The following MROH9 variants were observed in gnomAD, a reference collection of about 807,000 sequenced individuals.
MROH9 encodes the protein maestro heat-like repeat-containing protein family member 9.
MROH9 carries 92 observed loss-of-function variants against 98.2 expected under a neutral mutation model. That is an observed-to-expected ratio of 0.94 (90% CI 0.79 to 1.11). The LOEUF (loss-of-function observed/expected upper bound fraction) is 1.11, where lower values mean the gene tolerates loss of function less well. Among genes scored for constraint, MROH9 ranks in the 50% most tolerant of loss-of-function variants. The probability of loss-of-function intolerance (pLI) is 0.00; values close to 1 mark genes in which losing one functional copy is unlikely to be tolerated. For missense variants in MROH9, 1,057 were observed against 1,014.8 expected, an observed-to-expected ratio of 1.04 and a Z score of -0.57; for synonymous variants, 397 against 368.9, an observed-to-expected ratio of 1.08 and a Z score of -0.87.
At chr1:171,035,068 T>A (rs1451282999) in intron 20 of MROH9, among the ~76,000 whole-genome samples, 1 of 152,054 alleles carries the variant, frequency 6.6e-6, no homozygotes, top group Non-Finnish European at 1.5e-5. Context: ...AACACAAATA[T>A]TTAAAAACTT....
At chr1:171,062,004 A>G in intron 20 of MROH9, 128 bp from the exon 21 acceptor site, 1 of 631,290 alleles carries the variant, frequency 1.6e-6, no homozygotes, top group Non-Finnish European at 2.8e-6. Flanking sequence ...AAAAGTACTA[A>G]AAGATGACTC....
intron 2 of MROH9, among the ~76,000 whole-genome samples, chr1:170,947,118 C>T (rs951245353): frequency 4.0e-5 from 6 of 151,878 alleles, no homozygotes; most frequent in Non-Finnish European, 8.8e-5. Flanking sequence ...CACATTAAGA[C>T]ATGAACTACA....
chr1:170,958,591 A>G (rs1195716015), intron 4 of MROH9, 51 bp downstream of exon 4: 1 of 1,230,338 alleles, frequency 8.1e-7, no homozygotes, highest in African/African-American at 1.5e-5. Context: ...TGCATTTAAA[A>G]TGTTATATCT....
At chr1:171,043,458 T>C (rs1326326324) in intron 20 of MROH9, among the ~76,000 whole-genome samples, 4 of 152,100 alleles carry the variant, frequency 2.6e-5, no homozygotes, top group East Asian at 1.9e-4. Context: ...TTGGCTATTC[T>C]GGGTCTTTTG....
intron 17 of MROH9, among the ~76,000 whole-genome samples, chr1:171,021,155 G>A (rs1012246532): frequency 6.6e-6 from 1 of 152,136 alleles, no homozygotes; most frequent in East Asian, 1.9e-4. Flanking sequence ...TGGATAAAAA[G>A]AATCAATATC....
chr1:170,956,594 T>TG (rs1553210424), intron 3 of MROH9, among the ~76,000 whole-genome samples: 1 of 114,934 alleles, frequency 8.7e-6, no homozygotes, highest in Non-Finnish European at 1.7e-5. Context: ...TTTTTTTTTT[T>TG]GTTTTTTTTT....
chr1:171,016,406 T>A, intron 17 of MROH9, 70 bp downstream of exon 17: 1 of 1,206,348 alleles, frequency 8.3e-7, no homozygotes, highest in South Asian at 2.5e-5. Flanking sequence ...GTTGAGGCAG[T>A]GATGTTAGGT....
Position 171,018,203 on chromosome 1 carries a change from C to T in MROH9, c.1908+1867C>T, listed in dbSNP as rs144593764. On this transcript the variant is annotated intron_variant, in intron 17 of 21. Coordinates refer to ENST00000367759, the MANE Select transcript of MROH9 (RefSeq NM_001163629.2). ...AGGAAGGAGCAGGCACCCATCTTTG[C>T]TGTTCTCCAGATTCCTCGAGTGACA... Among the ~76,000 whole-genome samples, 624 of 152,258 alleles carry T rather than the reference C, an allele frequency of 4.1e-3. 8 individuals are homozygous for T. Among genetic ancestry groups the T allele is most frequent in the African/African-American group, 0.014 (586 of 41,536 alleles).
At chr1:170,958,639 C>T in intron 4 of MROH9, 99 bp downstream of exon 4, 2 of 782,252 alleles carry the variant, frequency 2.6e-6, no homozygotes, top group South Asian at 4.3e-5. Flanking sequence ...GAAATTACTC[C>T]AAACTTCACC....
Position 171,064,240 on chromosome 1 carries a change from A to C in MROH9, c.2486A>C (p.Tyr829Ser). The C allele has an allele frequency of 6.4e-7, 1 of 1,551,612 alleles. No homozygotes were observed. Residue 829 changes from tyrosine (Y) to serine (S), a missense_variant, in exon 22 of 22, where the codon TAC becomes TCC. Coordinates refer to ENST00000367759, the MANE Select transcript of MROH9 (RefSeq NM_001163629.2). The stretch of plus-strand genomic sequence containing the variant: ...TTCCAAAAATTGCTTAAATTATTCT[A>C]CATCAAAAAATTGAAGCCTCTTTAC... ...QNFQKLLKLF[Y>S]IKKLKPLYNY...
At chr1:171,059,835 C>G (rs55977088) in intron 20 of MROH9, among the ~76,000 whole-genome samples, 1 of 151,996 alleles carries the variant, frequency 6.6e-6, no homozygotes, top group Non-Finnish European at 1.5e-5. Flanking sequence ...ACAATGAGAA[C>G]ACATGGACAC....
At position 170,965,187 on chromosome 1, in the gene MROH9, C is replaced by T; in HGVS notation, c.412C>T (p.Leu138=). 6.2e-7 allele frequency: 1 copy of T among 1,611,546 alleles called. No homozygotes were observed. The highest frequency in any genetic ancestry group is 8.5e-7 in the Non-Finnish European group (1 of 1,178,236). The change falls in exon 7 of 22, where the codon CTG becomes TTG. Residue 138 remains leucine (L), a synonymous_variant. Coordinates refer to ENST00000367759, the MANE Select transcript of MROH9 (RefSeq NM_001163629.2). The part of the protein sequence containing the change: ...LVWMSKDSSY[L]QERIMVIINK... ...GTGGATGAGTAAAGATAGCTCATATCTGCAAGAGAGAATAATGGTGATCAT... is the reference window on the plus strand; with the variant it reads ...GTGGATGAGTAAAGATAGCTCATATTTGCAAGAGAGAATAATGGTGATCAT...
chr1:171,063,924 A>G (rs748480966), intron 21 of MROH9, among the ~76,000 whole-genome samples, 175 bp from the exon 22 acceptor site: 11 of 152,194 alleles, frequency 7.2e-5, no homozygotes, highest in Non-Finnish European at 1.3e-4. Context: ...TAGTAGGGAT[A>G]GATGATAAAA....
In MROH9 at chr1:171,033,049, T is replaced by C. The variant is rs1053662511; in HGVS notation, c.2281+7629T>C. On this transcript the variant is annotated intron_variant, in intron 20 of 21. Coordinates refer to ENST00000367759, the MANE Select transcript of MROH9 (RefSeq NM_001163629.2). ...AAGAGTCAGGCCTGTAGAGGCACTC[T>C]GCCACAGACTGCCACAGCCAGTGTG... 2.0e-5 allele frequency among the ~76,000 whole-genome samples: 3 copies of C among 152,212 alleles called. No homozygotes were observed. In the South Asian group the frequency reaches 6.2e-4, roughly 32 times the overall value.
intron 20 of MROH9, among the ~76,000 whole-genome samples, chr1:171,027,261 G>A (rs893317231): frequency 8.5e-5 from 13 of 152,194 alleles, no homozygotes; most frequent in African/African-American, 3.1e-4. Flanking sequence ...TTGTCCATGT[G>A]TTCTTGTTGT....
intron 11 of MROH9, among the ~76,000 whole-genome samples, chr1:170,991,089 C>T (rs928925560): frequency 2.6e-5 from 4 of 152,120 alleles, no homozygotes; most frequent in African/African-American, 7.2e-5. Flanking sequence ...AATATACCCA[C>T]ATGTATACAA....
At chr1:170,971,341 G>C (rs114421915) in intron 7 of MROH9, among the ~76,000 whole-genome samples, 1 of 152,118 alleles carries the variant, frequency 6.6e-6, no homozygotes, top group Admixed American at 6.6e-5. Flanking sequence ...CTAGTGTTTC[G>C]TATGTGAAGA....
intron 1 of MROH9, among the ~76,000 whole-genome samples, chr1:170,936,794 G>A (rs1037721869): frequency 5.9e-5 from 9 of 152,060 alleles, no homozygotes; most frequent in Admixed American, 2.0e-4. Context: ...TAGGTGCACC[G>A]GCCCAGTTGG....
intron 8 of MROH9, among the ~76,000 whole-genome samples, chr1:170,974,409 G>A (rs764207723): frequency 3.3e-5 from 5 of 151,874 alleles, no homozygotes; most frequent in Non-Finnish European, 7.4e-5. Context: ...ATCTTAAAAG[G>A]AGCCAAAGAG....
Sources: gnomAD v4.1 joint callset for allele counts (sites outside exome capture counted in the v4.1 genomes callset) on GRCh38, gnomAD v4.1.1 for gene constraint, MANE v1.5 for transcripts, NCBI Gene and HGNC (gene_info 2026-07-23, HGNC 2026-07-21) for gene names.